IFT88: variants seen among roughly 807,000 people sequenced by gnomAD.
IFT88 encodes the protein intraflagellar transport protein 88 homolog.
In IFT88, 74 loss-of-function variants were observed where a neutral mutation model predicts 119.5. The ratio of observed to expected loss-of-function variants is 0.62; its 90% CI spans 0.51 to 0.75. IFT88 has a LOEUF of 0.75. IFT88 is among the 30% of genes least tolerant of loss of function. The pLI is 0.00. For missense variants in IFT88, 961 were observed against 977.7 expected (o/e 0.98, Z 0.23); for synonymous variants, 279 against 316.7 (o/e 0.88, Z 1.26).
intron 13 of IFT88, among the ~76,000 whole-genome samples, chr13:20,610,867 G>C (rs1035287531): frequency 1.3e-5 from 2 of 152,080 alleles, no homozygotes; most frequent in African/African-American, 4.8e-5. Flanking sequence ...GGCCAAGCGT[G>C]GTGGCTCTTG....
chr13:20,590,242 T>C (rs2138644779), intron 4 of IFT88, among the ~76,000 whole-genome samples: 1 of 152,144 alleles, frequency 6.6e-6, no homozygotes, highest in East Asian at 1.9e-4. Flanking sequence ...AAATATAAAA[T>C]GTAAGAAAAG....
At chr13:20,603,082 T>C (rs1009916349) in intron 12 of IFT88, among the ~76,000 whole-genome samples, 1 of 152,188 alleles carries the variant, frequency 6.6e-6, no homozygotes, top group African/African-American at 2.4e-5. Context: ...AGCTATGAGA[T>C]TGTAAATGCT....
intron 20 of IFT88, among the ~76,000 whole-genome samples, chr13:20,653,329 C>G (rs1407574017): frequency 6.6e-6 from 1 of 152,160 alleles, no homozygotes; most frequent in African/African-American, 2.4e-5. Flanking sequence ...CTAGGTGTTT[C>G]TTCCTTCATA....
Position 20,601,803 on chromosome 13 carries a change from A to G in IFT88, c.911A>G (p.Asn304Ser), listed in dbSNP as rs571225869. 1 of 1,613,652 alleles carries G rather than the reference A, an allele frequency of 6.2e-7. No individual in the cohort carries two copies. The highest frequency in any genetic ancestry group is 1.1e-5 in the South Asian group (1 of 91,070). Reference protein sequence around the residue: ...SYEHIMSMAPNLKAGYNLTIC... With the variant: ...SYEHIMSMAPSLKAGYNLTIC... ...GAGCACATAATGAGCATGGCACCAAATCTGAAGGCAGGCTACAACCTAACT... is the reference window on the plus strand; with the variant it reads ...GAGCACATAATGAGCATGGCACCAAGTCTGAAGGCAGGCTACAACCTAACT... The change falls in exon 12 of 26, where the codon AAT becomes AGT. Residue 304 changes from asparagine (N) to serine (S), a missense_variant. Physicochemically the swap from Asn to Ser is conservative, Grantham distance 46. Transcript: ENST00000351808.
intron 1 of IFT88, among the ~76,000 whole-genome samples, chr13:20,570,217 C>G (rs1368258112): frequency 6.6e-6 from 1 of 152,158 alleles, no homozygotes; most frequent in African/African-American, 2.4e-5. Context: ...AAAACAGGAA[C>G]AGTAACAGAT....
chr13:20,591,882 T>C lies in IFT88; in HGVS notation c.328+201T>C, dbSNP rs545840397. 3.3e-5 allele frequency among the ~76,000 whole-genome samples: 5 copies of C among 152,314 alleles called. No homozygotes were observed. In the East Asian group the frequency reaches 9.6e-4, roughly 29 times the overall value. ...ATCTGTTGGGGTGGTAATTAAACCA[T>C]GGTGTAATTTGTCAAAATGCATTGA... On this transcript the variant is annotated intron_variant, in intron 6 of 25. Coordinates refer to ENST00000351808, the MANE Select transcript of IFT88 (RefSeq NM_006531.5).
chr13:20,650,011 A>G (rs2051360076), intron 20 of IFT88, among the ~76,000 whole-genome samples: 1 of 152,180 alleles, frequency 6.6e-6, no homozygotes, highest in South Asian at 2.1e-4. Context: ...AAGAAAAGCC[A>G]TGGGCTACAT....
chr13:20,604,696 TATA>T (rs1337648179), intron 12 of IFT88, among the ~76,000 whole-genome samples: 1 of 152,228 alleles, frequency 6.6e-6, no homozygotes, highest in African/African-American at 2.4e-5. Context: ...GGCTTATGCC[TATA>T]GTCCCAATAC....
At chr13:20,653,846 C>CTT (rs760960608) in intron 20 of IFT88, 30 bp from the exon 21 acceptor site, 8 of 1,341,022 alleles carry the variant, frequency 6.0e-6, no homozygotes, top group Non-Finnish European at 7.1e-6. Flanking sequence ...TTTTTTATCT[C>CTT]TAATTTCATC....
At position 20,670,865 on chromosome 13, in the gene IFT88, A is replaced by AAAC. The variant is rs1263700597; in HGVS notation, c.2176-108_2176-107insAAC. ...AATCAACTCTCAGGTATGATGGGTT[A>AAAC]GTCCTAAGGGTAATGTAGTAATGTT... On this transcript the variant is annotated intron_variant, in intron 23 of 25. Coordinates refer to ENST00000351808, the MANE Select transcript of IFT88 (RefSeq NM_006531.5). The AAAC allele has an allele frequency of 5.6e-6, 4 of 711,572 alleles. No individual in the cohort carries two copies. In the African/African-American group the frequency reaches 7.3e-5, roughly 13 times the overall value. 44.1% of individuals were successfully genotyped at this position (711,572 alleles called of 1,614,324 possible). A position where few individuals can be genotyped will look rare whatever the true frequency, so the allele number is the denominator to read the frequency against.
At chr13:20,625,934 ATGT>A in intron 15 of IFT88, 85 bp downstream of exon 15, 1 of 520,224 alleles carries the variant, frequency 1.9e-6, no homozygotes, top group East Asian at 3.3e-5. Flanking sequence ...TTCTAGAATA[ATGT>A]TATCTGTGAT....
At chr13:20,584,897 G>A (rs78972592) in intron 3 of IFT88, among the ~76,000 whole-genome samples, 1,786 of 152,314 alleles carry the variant, frequency 0.012, 35 homozygotes, top group African/African-American at 0.041. Flanking sequence ...CACAACTTGA[G>A]TGGGTGCTAC....
chr13:20,663,475 T>G, intron 22 of IFT88, 23 bp from the exon 23 acceptor site: 1 of 1,608,728 alleles, frequency 6.2e-7, no homozygotes, highest in Non-Finnish European at 8.5e-7. Context: ...TATTCTTTCC[T>G]AAATGTATAT....
intron 23 of IFT88, among the ~76,000 whole-genome samples, chr13:20,668,844 G>A (rs1319795123): frequency 2.0e-5 from 3 of 152,244 alleles, no homozygotes; most frequent in Non-Finnish European, 4.4e-5. Context: ...AGGAGATGCT[G>A]TTTTCCTTTT....
At position 20,583,001 on chromosome 13, in the gene IFT88, T is replaced by G. The variant is rs1566073024; in HGVS notation, c.135T>G (p.Ser45Arg). The change falls in exon 3 of 26, where the codon AGT becomes AGG. Residue 45 changes from serine to arginine, a missense_variant. Transcript: ENST00000351808. ...CTTTTCAGCAAGCTGTGAGGACTAG[T>G]CATGGCAGAAGACCTCCAGTAAGTG... ...DAAFQQAVRTSHGRRPPITAK... is the reference protein window; with the variant it reads ...DAAFQQAVRTRHGRRPPITAK... The G allele has an allele frequency of 3.1e-6, 5 of 1,611,076 alleles. No individual in the cohort carries two copies. Among genetic ancestry groups the G allele is most frequent in the Non-Finnish European group, 4.2e-6 (5 of 1,178,588 alleles).
chr13:20,687,040 AAAAAAAAAACCTCATATTT>A (rs1566492846), intron 24 of IFT88, among the ~76,000 whole-genome samples: 1 of 151,006 alleles, frequency 6.6e-6, no homozygotes, highest in Non-Finnish European at 1.5e-5. Flanking sequence ...AAAAAAAAAA[AAAAAAAAAACCTCATATTT>A]AAAAACTACG....
chr13:20,653,854 A>C, intron 20 of IFT88, 22 bp from the exon 21 acceptor site: 18 of 1,365,822 alleles, frequency 1.3e-5, no homozygotes, highest in South Asian at 2.7e-5. Flanking sequence ...CTCTAATTTC[A>C]TCTCATTTAT....
chr13:20,601,024 G>A (rs897580421), intron 11 of IFT88, among the ~76,000 whole-genome samples: 1 of 152,138 alleles, frequency 6.6e-6, no homozygotes, highest in Non-Finnish European at 1.5e-5. Context: ...ATCACAAATT[G>A]TATGACTCCA....
At position 20,663,608 on chromosome 13, in the gene IFT88, T is replaced by C. The variant is rs754166217; in HGVS notation, c.2175+4T>C. On this transcript the variant is annotated splice_donor_region_variant and intron_variant, in intron 23 of 25. Coordinates refer to ENST00000351808, the MANE Select transcript of IFT88 (RefSeq NM_006531.5). Reference sequence around the variant, plus strand: ...AATGAAAGAAATAAGGGAACAGGTATCTCATATGGGCCCCAAACTGCAGTC... The same window carrying C: ...AATGAAAGAAATAAGGGAACAGGTACCTCATATGGGCCCCAAACTGCAGTC... 1.9e-6 allele frequency: 3 copies of C among 1,593,710 alleles called. No individual in the cohort carries two copies. Among genetic ancestry groups the C allele is most frequent in the Non-Finnish European group, 2.6e-6 (3 of 1,162,534 alleles).
Sources: allele counts gnomAD v4.1 joint callset (sites outside exome capture counted in the v4.1 genomes callset), GRCh38; gene constraint gnomAD v4.1.1; transcripts MANE v1.5; gene names NCBI Gene and HGNC (gene_info 2026-07-23, HGNC 2026-07-21).